DDR2: variants seen among roughly 807,000 people sequenced by gnomAD.
DDR2 encodes the protein discoidin domain-containing receptor 2.
In DDR2, 27 loss-of-function variants were observed where a neutral mutation model predicts 94.9. The ratio of observed to expected loss-of-function variants is 0.28; its 90% CI spans 0.21 to 0.39. DDR2 has a LOEUF of 0.39. DDR2 is among the 10% of genes least tolerant of loss of function. DDR2 has a pLI of 1.00. For synonymous variants in DDR2, 382 were observed against 377.2 expected (o/e 1.01, Z -0.15); for missense variants, 783 against 1,076.0 (o/e 0.73, Z 3.81).
At chr1:162,770,212 C>T in intron 11 of DDR2, 90 bp from the exon 12 acceptor site, 1 of 1,280,826 alleles carries the variant, frequency 7.8e-7, no homozygotes. Flanking sequence ...AGAGTTATTT[C>T]ATTTGAGTGG....
chr1:162,731,209 A>G (rs1160681114), intron 3 of DDR2, among the ~76,000 whole-genome samples: 1 of 152,202 alleles, frequency 6.6e-6, no homozygotes, highest in Non-Finnish European at 1.5e-5. Context: ...CTTTATTGCC[A>G]CTGTGATTCA....
At chr1:162,758,000 AT>A (rs1663542364) in intron 7 of DDR2, among the ~76,000 whole-genome samples, 1 of 152,164 alleles carries the variant, frequency 6.6e-6, no homozygotes, top group African/African-American at 2.4e-5. Context: ...AGCATTTTCC[AT>A]TACTATGAAG....
intron 3 of DDR2, among the ~76,000 whole-genome samples, chr1:162,729,936 T>G (rs768553036): frequency 6.6e-6 from 1 of 151,340 alleles, no homozygotes; most frequent in Non-Finnish European, 1.5e-5. Flanking sequence ...AGGGACGAGG[T>G]TTCTCCATGT....
intron 3 of DDR2, among the ~76,000 whole-genome samples, chr1:162,736,639 C>T (rs1662312370): frequency 6.6e-6 from 1 of 152,172 alleles, no homozygotes; most frequent in Admixed American, 6.5e-5. Context: ...ACTCACGACT[C>T]TAAGATGCAT....
At chr1:162,722,818 G>T (rs1661480772) in intron 3 of DDR2, among the ~76,000 whole-genome samples, 1 of 152,108 alleles carries the variant, frequency 6.6e-6, no homozygotes, top group African/African-American at 2.4e-5. Context: ...GACCCTTTCT[G>T]CTACAAAATT....
chr1:162,658,628 G>C (rs1045388982), intron 2 of DDR2, among the ~76,000 whole-genome samples: 1 of 145,958 alleles, frequency 6.9e-6, no homozygotes, highest in Non-Finnish European at 1.5e-5. Flanking sequence ...AGGTTGGAGA[G>C]CAGCTTGGGC....
At chr1:162,696,848 C>G (rs1660216044) in intron 2 of DDR2, among the ~76,000 whole-genome samples, 1 of 152,104 alleles carries the variant, frequency 6.6e-6, no homozygotes, top group Non-Finnish European at 1.5e-5. Context: ...CTGGAAAGAC[C>G]CCCGCTTGTC....
At chr1:162,732,297 CT>C (rs1485093627) in intron 3 of DDR2, among the ~76,000 whole-genome samples, 1 of 152,196 alleles carries the variant, frequency 6.6e-6, no homozygotes, top group Non-Finnish European at 1.5e-5. Flanking sequence ...CAATATTTAT[CT>C]GCACAAAGGA....
chr1:162,778,804 C>T (rs2102207868), intron 17 of DDR2, 75 bp downstream of exon 17: 1 of 1,589,894 alleles, frequency 6.3e-7, no homozygotes, highest in Non-Finnish European at 8.6e-7. Context: ...CCTGCCTTAG[C>T]AGGAGTGGGC....
At chr1:162,769,487 T>C (rs1040125571) in intron 11 of DDR2, among the ~76,000 whole-genome samples, 6 of 152,244 alleles carry the variant, frequency 3.9e-5, no homozygotes, top group Non-Finnish European at 8.8e-5. Flanking sequence ...CTGAGCTTCA[T>C]GCTTAGTACT....
In DDR2 at chr1:162,701,211, A is replaced by G. The variant is rs145032554; in HGVS notation, c.-27-17826A>G. Among the ~76,000 whole-genome samples the G allele has an allele frequency of 4.3e-3, 661 of 152,362 alleles. 23 individuals are homozygous for G. Among genetic ancestry groups the G allele is most frequent in the Admixed American group, 0.041 (626 of 15,304 alleles). ...ATAGGTTGACCCAACTCCCTTGGAAAAGTGATTAATTTTGTCTTCCAGACC... is the reference window on the plus strand; with the variant it reads ...ATAGGTTGACCCAACTCCCTTGGAAGAGTGATTAATTTTGTCTTCCAGACC... On this transcript the variant is annotated intron_variant, in intron 2 of 17. Transcript: ENST00000367921.
intron 2 of DDR2, among the ~76,000 whole-genome samples, chr1:162,674,450 A>G (rs935955659): frequency 3.3e-5 from 5 of 152,250 alleles, no homozygotes; most frequent in Non-Finnish European, 7.3e-5. Context: ...AGTAATATAC[A>G]CTGAAGAATG....
intron 3 of DDR2, among the ~76,000 whole-genome samples, chr1:162,745,025 T>C (rs1457314695): frequency 2.0e-5 from 3 of 152,234 alleles, no homozygotes; most frequent in African/African-American, 7.2e-5. Context: ...TTGTTGATGA[T>C]AGTCATCCTG....
At chr1:162,771,419 T>C (rs1034016802) in intron 12 of DDR2, among the ~76,000 whole-genome samples, 2 of 152,340 alleles carry the variant, frequency 1.3e-5, no homozygotes, top group East Asian at 3.9e-4. Flanking sequence ...TTGCATCTAT[T>C]TTATTATTCA....
At chr1:162,759,728 T>G in intron 7 of DDR2, 68 bp from the exon 8 acceptor site, 1 of 1,590,672 alleles carries the variant, frequency 6.3e-7, no homozygotes, top group East Asian at 2.2e-5. Context: ...GGGTAAAAGC[T>G]CTTCCACGAA....
At chr1:162,635,235 A>G (rs1238392167) in intron 1 of DDR2, among the ~76,000 whole-genome samples, 2 of 152,140 alleles carry the variant, frequency 1.3e-5, no homozygotes, top group Non-Finnish European at 2.9e-5. Context: ...TGAATTCTCT[A>G]TCACACACAG....
chr1:162,744,331 G>T (rs1447450040), intron 3 of DDR2, among the ~76,000 whole-genome samples: 2 of 151,880 alleles, frequency 1.3e-5, no homozygotes, highest in African/African-American at 4.8e-5. Flanking sequence ...CCAATTCCTG[G>T]CAACCATCAT....
rs150339196 is a variant in DDR2 at position 162,771,350 on chromosome 1, GA to G, written c.1505-673del. ...TAGAAGCAGACAGGACTAAATTCAA[GA>G]GCATAGGATTTTATAGGAAGGAGCC... is the stretch of plus-strand genomic sequence containing the variant. On this transcript the variant is annotated intron_variant, in intron 12 of 17. Coordinates refer to ENST00000367921, the MANE Select transcript of DDR2 (RefSeq NM_006182.4). Among the ~76,000 whole-genome samples, 1,044 of 152,270 alleles carry G rather than the reference GA, an allele frequency of 6.9e-3. 24 individuals carry two copies. The East Asian group carries it at 0.07, about 10-fold the overall frequency.
At chr1:162,695,639 AT>A (rs1660154722) in intron 2 of DDR2, among the ~76,000 whole-genome samples, 1 of 152,198 alleles carries the variant, frequency 6.6e-6, no homozygotes. Flanking sequence ...GGGACTTAAA[AT>A]GGGGATGTGG....
Sources: allele counts gnomAD v4.1 joint callset (sites outside exome capture counted in the v4.1 genomes callset), GRCh38; gene constraint gnomAD v4.1.1; transcripts MANE v1.5; gene names NCBI Gene and HGNC (gene_info 2026-07-23, HGNC 2026-07-21).